ROCK1: variants seen among roughly 807,000 people sequenced by gnomAD.
ROCK1 encodes rho-associated protein kinase 1.
A neutral mutation model predicts 196.8 loss-of-function variants in ROCK1; 36 were observed. The ratio of observed to expected loss-of-function variants is 0.18; its 90% confidence interval spans 0.14 to 0.24. The LOEUF (loss-of-function observed/expected upper bound fraction) is 0.24. Among genes scored for constraint, ROCK1 ranks in the 10% least tolerant of loss-of-function variants. The pLI is 1.00. For synonymous variants in ROCK1, 443 were observed against 515.9 expected (o/e 0.86, Z 1.91); for missense variants, 920 against 1,562.0 (o/e 0.59, Z 6.93).
intron 9 of ROCK1, among the ~76,000 whole-genome samples, chr18:21,031,879 A>G (rs1375748815): frequency 6.6e-6 from 1 of 152,174 alleles, no homozygotes; most frequent in Admixed American, 6.5e-5. Flanking sequence ...CTGAACAGGC[A>G]GAGGAAAAAA....
At chr18:20,961,631 C>T (rs568843881) in intron 27 of ROCK1, among the ~76,000 whole-genome samples, 33 of 152,158 alleles carry the variant, frequency 2.2e-4, no homozygotes, top group African/African-American at 7.9e-4. Context: ...CTATTCTGTT[C>T]GCAAACAAGC....
chr18:21,092,580 T>TAAAAAAAAA lies in ROCK1; in HGVS notation c.93+18229_93+18237dup, dbSNP rs35799573. On this transcript the variant is annotated intron_variant, in intron 1 of 32. Transcript: ENST00000399799. ...GCCTGGGTAAGCAAGACCTCATCTT[T>TAAAAAAAAA]AAAAAAAAAAAAAAAAAAAAAAAAC... 6.9e-4 allele frequency among the ~76,000 whole-genome samples: 56 copies of TAAAAAAAAA among 81,102 alleles called. 4 individuals are homozygous for TAAAAAAAAA. The highest frequency in any genetic ancestry group is 4.7e-3 in the East Asian group (14 of 2,966). The allele number at this position is 81,102 out of a possible 152,430, so 53.2% of individuals were successfully genotyped here. A position where few individuals can be genotyped will look rare whatever the true frequency, so the allele number is the denominator to read the frequency against.
chr18:20,976,395 C>A (rs772991117), intron 22 of ROCK1, among the ~76,000 whole-genome samples: 1 of 152,132 alleles, frequency 6.6e-6, no homozygotes, highest in Non-Finnish European at 1.5e-5. Context: ...CACAAACATA[C>A]ACCTAAAAGA....
chr18:21,082,865 A>G (rs2036494144), intron 1 of ROCK1, among the ~76,000 whole-genome samples: 1 of 152,224 alleles, frequency 6.6e-6, no homozygotes, highest in Non-Finnish European at 1.5e-5. Context: ...AAAGGCATCC[A>G]AATTGGAAAC....
intron 20 of ROCK1, among the ~76,000 whole-genome samples, chr18:20,983,560 A>G (rs2035552202): frequency 6.6e-6 from 1 of 152,112 alleles, no homozygotes; most frequent in African/African-American, 2.4e-5. Flanking sequence ...CTAGACTTTC[A>G]TATTAGACAG....
At chr18:20,992,682 C>A in intron 17 of ROCK1, 149 bp downstream of exon 17, 1 of 536,806 alleles carries the variant, frequency 1.9e-6, no homozygotes, top group South Asian at 3.1e-5. Context: ...ATACATACAG[C>A]CCCACATACA....
Position 21,008,048 on chromosome 18 carries a change from T to C in ROCK1, c.1546+11A>G. The stretch of plus-strand genomic sequence containing the variant: ...AAATTCTATCATTTTTCAAAAGTAG[T>C]GACAATTTACCTTCATTTTCTACAT... On this transcript the variant is annotated intron_variant, in intron 14 of 32. Transcript: ENST00000399799. The C allele has an allele frequency of 6.3e-7, 1 of 1,578,384 alleles. No homozygotes were observed. The highest frequency in any genetic ancestry group is 1.4e-5 in the African/African-American group (1 of 73,206).
intron 28 of ROCK1, 30 bp downstream of exon 28, chr18:20,960,106 C>T: frequency 2.1e-6 from 3 of 1,403,062 alleles, no homozygotes; most frequent in Non-Finnish European, 3.0e-6. Context: ...GAACAAAATA[C>T]CAGTTAGAAA....
At chr18:20,999,677 C>T (rs2035705357) in intron 16 of ROCK1, among the ~76,000 whole-genome samples, 1 of 152,138 alleles carries the variant, frequency 6.6e-6, no homozygotes, top group African/African-American at 2.4e-5. Flanking sequence ...GAAAATATAT[C>T]CTTGTTCATG....
chr18:20,988,564 G>A (rs1170564091), intron 18 of ROCK1, among the ~76,000 whole-genome samples: 6 of 152,166 alleles, frequency 3.9e-5, no homozygotes, highest in African/African-American at 1.4e-4. Context: ...AGCTTAAAAT[G>A]TGCTAGTGGC....
chr18:21,095,050 C>CAA lies in ROCK1; in HGVS notation c.93+15766_93+15767dup, dbSNP rs777577556. Among the ~76,000 whole-genome samples the CAA allele has an allele frequency of 3.7e-3, 198 of 53,254 alleles. 1 individual carries two copies. Among genetic ancestry groups the CAA allele is most frequent in the Middle Eastern group, 0.01 (1 of 96 alleles). 34.9% of individuals were successfully genotyped at this position (53,254 alleles called of 152,430 possible). A position where few individuals can be genotyped will look rare whatever the true frequency, so the allele number is the denominator to read the frequency against. ...GGGCAACAAGAGGGAAACTCTGTCT[C>CAA]AAAAAAAAAAAAAAAAAAAAAGACA... is the stretch of plus-strand genomic sequence containing the variant. On this transcript the variant is annotated intron_variant, in intron 1 of 32. Transcript: ENST00000399799.
At position 20,991,301 on chromosome 18, in the gene ROCK1, A is replaced by C. The variant is rs745487549; in HGVS notation, c.2018T>G (p.Leu673Ter). ...EKEKNNLEID[L>*]NYKLKSLQQR... ...TTGTAATGATTTAAGTTTGTAGTTTAAATCTATCTCTAAATTATTCTTTTC... is the reference window on the plus strand; with the variant it reads ...TTGTAATGATTTAAGTTTGTAGTTTCAATCTATCTCTAAATTATTCTTTTC... Residue 673 changes from leucine to a stop codon, truncating the protein, a stop_gained, in exon 18 of 33, where the codon TTA becomes TGA. Coordinates refer to ENST00000399799, the MANE Select transcript of ROCK1 (RefSeq NM_005406.3). LOFTEE classifies it high-confidence loss of function. 1 of 1,602,046 alleles carries C rather than the reference A, an allele frequency of 6.2e-7. No individual in the cohort carries two copies. Among genetic ancestry groups the C allele is most frequent in the South Asian group, 1.1e-5 (1 of 89,692 alleles).
At chr18:21,049,701 C>T (rs943225547) in intron 3 of ROCK1, 79 bp downstream of exon 3, 1 of 905,362 alleles carries the variant, frequency 1.1e-6, no homozygotes, top group African/African-American at 1.8e-5. Flanking sequence ...ACAGTATTTT[C>T]CCAAATAATA....
intron 13 of ROCK1, among the ~76,000 whole-genome samples, chr18:21,011,362 T>C (rs2035815630): frequency 2.0e-5 from 3 of 152,238 alleles, no homozygotes; most frequent in South Asian, 2.1e-4. Flanking sequence ...TATTACATTG[T>C]ATATGCATAG....
At chr18:21,108,261 T>C (rs1231376182) in intron 1 of ROCK1, among the ~76,000 whole-genome samples, 4 of 152,216 alleles carry the variant, frequency 2.6e-5, no homozygotes, top group South Asian at 2.1e-4. Context: ...GGCTCCATGA[T>C]ACCTGGCTGT....
intron 13 of ROCK1, among the ~76,000 whole-genome samples, chr18:21,014,679 A>G (rs1598528393): frequency 6.6e-6 from 1 of 152,224 alleles, no homozygotes; most frequent in Non-Finnish European, 1.5e-5. Context: ...CTAAATCTTC[A>G]TAGATATCCA....
At chr18:21,049,708 A>C in intron 3 of ROCK1, 72 bp downstream of exon 3, 1 of 945,120 alleles carries the variant, frequency 1.1e-6, no homozygotes, top group Non-Finnish European at 1.6e-6. Context: ...TTTCCCAAAT[A>C]ATATGTTAAA....
chr18:21,045,275 A>T lies in ROCK1; in HGVS notation c.590+17T>A. On this transcript the variant is annotated intron_variant, in intron 5 of 32. Transcript: ENST00000399799. ...TCCCTCAACAAATGAGAAAATTTAAAGCACTTTTATCTTTACCTGTGAATA... is the reference window on the plus strand; with the variant it reads ...TCCCTCAACAAATGAGAAAATTTAATGCACTTTTATCTTTACCTGTGAATA... 6.4e-7 allele frequency: 1 copy of T among 1,555,598 alleles called. No homozygotes were observed. Among genetic ancestry groups the T allele is most frequent in the Non-Finnish European group, 8.7e-7 (1 of 1,153,798 alleles).
rs752225891 is a variant in ROCK1 at position 21,045,479 on chromosome 18, G to GA, written c.415-13dup. On this transcript the variant is annotated splice_polypyrimidine_tract_variant and intron_variant, in intron 4 of 32. Transcript: ENST00000399799. ...AATGCATAAAAAAGCTATACAAATA[G>GA]AAAAAACAAACAAAACACATTCATT... 2.6e-5 allele frequency: 40 copies of GA among 1,551,514 alleles called. No homozygotes were observed. The highest frequency in any genetic ancestry group is 3.3e-5 in the Non-Finnish European group (38 of 1,151,314).
Sources: gnomAD v4.1 joint callset for allele counts (sites outside exome capture counted in the v4.1 genomes callset) on GRCh38, gnomAD v4.1.1 for gene constraint, MANE v1.5 for transcripts, NCBI Gene and HGNC (gene_info 2026-07-23, HGNC 2026-07-21) for gene names.